Variants in CNTNAP5 observed in about 807,000 individuals in gnomAD.
The protein encoded by CNTNAP5 is contactin-associated protein-like 5.
CNTNAP5 carries 72 observed loss-of-function variants against 150.2 expected under a neutral mutation model. The observed-to-expected ratio is 0.48, with a 90% CI of 0.40 to 0.58. The LOEUF is 0.58. Among genes scored for constraint, CNTNAP5 ranks in the 20% least tolerant of loss-of-function variants. The pLI, the probability that CNTNAP5 is intolerant of heterozygous loss-of-function variation, is 0.00. For missense variants in CNTNAP5, 1,636 were observed against 1,626.2 expected, an observed-to-expected ratio of 1.01 and a Z score of -0.10; for synonymous variants, 672 against 619.8, an observed-to-expected ratio of 1.08 and a Z score of -1.25.
At chr2:124,603,380 G>C (rs550222828) in intron 11 of CNTNAP5, among the ~76,000 whole-genome samples, 1 of 152,116 alleles carries the variant, frequency 6.6e-6, no homozygotes, top group Non-Finnish European at 1.5e-5. Flanking sequence ...TGCCACATTA[G>C]AGGCACCCTG....
rs200129722 is a variant in CNTNAP5, at chr2:124,227,640, A to ATGTGTGTGTGTG, written c.187+5859_187+5870dup. Among the ~76,000 whole-genome samples, 864 of 143,408 alleles carry ATGTGTGTGTGTG rather than the reference A, an allele frequency of 6.0e-3. 3 individuals are homozygous for ATGTGTGTGTGTG. Among genetic ancestry groups the ATGTGTGTGTGTG allele is most frequent in the African/African-American group, 0.017 (626 of 37,512 alleles). 94.1% of individuals were successfully genotyped at this position (143,408 alleles called of 152,430 possible). Reference sequence around the variant, plus strand: ...AATATAAACTCAGCACATCGTGTGTATGTGTGTGTGTGTGTGTGTGTGTGT... The same window carrying ATGTGTGTGTGTG: ...AATATAAACTCAGCACATCGTGTGTATGTGTGTGTGTGTGTGTGTGTGTGTGTGTGTGTGTGT... On this transcript the variant is annotated intron_variant, in intron 2 of 23. Transcript: ENST00000682447.
At chr2:124,098,541 T>C (rs1466967590) in intron 1 of CNTNAP5, among the ~76,000 whole-genome samples, 2 of 152,148 alleles carry the variant, frequency 1.3e-5, no homozygotes, top group Non-Finnish European at 2.9e-5. Flanking sequence ...ATATTACGTG[T>C]AGTAAATCAT....
chr2:124,453,261 C>A (rs1259653980), intron 6 of CNTNAP5, among the ~76,000 whole-genome samples: 2 of 151,838 alleles, frequency 1.3e-5, no homozygotes, highest in African/African-American at 2.4e-5. Flanking sequence ...GCAATAGAAT[C>A]AAACCAGTAG....
intron 3 of CNTNAP5, among the ~76,000 whole-genome samples, chr2:124,316,499 G>A (rs566190454): frequency 6.6e-6 from 1 of 152,168 alleles, no homozygotes; most frequent in South Asian, 2.1e-4. Context: ...TGTGATATCT[G>A]CAGTGTGCTA....
intron 13 of CNTNAP5, among the ~76,000 whole-genome samples, chr2:124,707,771 T>G (rs897459781): frequency 6.6e-6 from 1 of 152,188 alleles, no homozygotes; most frequent in Non-Finnish European, 1.5e-5. Context: ...TTTTCTGGAT[T>G]CAAAAAGAAT....
At chr2:124,746,282 A>C (rs1680601385) in intron 13 of CNTNAP5, among the ~76,000 whole-genome samples, 1 of 152,182 alleles carries the variant, frequency 6.6e-6, no homozygotes, top group African/African-American at 2.4e-5. Flanking sequence ...TAAGAATGAT[A>C]ATTCTAAGCT....
chr2:124,377,472 G>A (rs955009036), intron 3 of CNTNAP5, among the ~76,000 whole-genome samples: 5 of 151,908 alleles, frequency 3.3e-5, no homozygotes, highest in East Asian at 1.9e-4. Context: ...TCAGGAGTTC[G>A]AGACCAGACC....
At chr2:124,533,985 T>G (rs908143130) in intron 10 of CNTNAP5, among the ~76,000 whole-genome samples, 2 of 152,086 alleles carry the variant, frequency 1.3e-5, no homozygotes, top group African/African-American at 4.8e-5. Flanking sequence ...CTCTCCCCAG[T>G]ATTGCTTAAA....
intron 13 of CNTNAP5, among the ~76,000 whole-genome samples, chr2:124,717,316 G>C (rs1679965226): frequency 6.6e-6 from 1 of 152,156 alleles, no homozygotes; most frequent in African/African-American, 2.4e-5. Context: ...TTTCAGAATG[G>C]AATTGTGGAA....
At chr2:124,163,945 G>A (rs1382689579) in intron 1 of CNTNAP5, among the ~76,000 whole-genome samples, 1 of 151,520 alleles carries the variant, frequency 6.6e-6, no homozygotes, top group Non-Finnish European at 1.5e-5. Flanking sequence ...CTATGACTCT[G>A]TTCTTCACTT....
At chr2:124,755,466 C>T (rs1278674719) in intron 14 of CNTNAP5, among the ~76,000 whole-genome samples, 1 of 152,152 alleles carries the variant, frequency 6.6e-6, no homozygotes, top group African/African-American at 2.4e-5. Flanking sequence ...GGAGACATTC[C>T]TTACAACTTC....
chr2:124,090,741 A>C (rs1042556784), intron 1 of CNTNAP5, among the ~76,000 whole-genome samples: 2 of 152,204 alleles, frequency 1.3e-5, no homozygotes, highest in African/African-American at 4.8e-5. Context: ...TGATACGAGA[A>C]ACTTTTTTGT....
intron 13 of CNTNAP5, among the ~76,000 whole-genome samples, chr2:124,701,042 A>G (rs1573556546): frequency 6.6e-6 from 1 of 152,146 alleles, no homozygotes; most frequent in East Asian, 1.9e-4. Context: ...GTTTAGCATG[A>G]ATCCCATACA....
At chr2:124,738,462 G>A (rs1208638656) in intron 13 of CNTNAP5, among the ~76,000 whole-genome samples, 3 of 152,178 alleles carry the variant, frequency 2.0e-5, no homozygotes, top group Admixed American at 1.3e-4. Flanking sequence ...GCCGGGCAAG[G>A]TGGCTCACAC....
intron 3 of CNTNAP5, among the ~76,000 whole-genome samples, chr2:124,339,001 C>T (rs573024653): frequency 6.6e-6 from 1 of 152,202 alleles, no homozygotes; most frequent in African/African-American, 2.4e-5. Context: ...CTATCTGAGA[C>T]TTGGGGTAGT....
chr2:124,605,095 T>C (rs770179206), intron 11 of CNTNAP5, among the ~76,000 whole-genome samples: 20 of 152,134 alleles, frequency 1.3e-4, no homozygotes, highest in Admixed American at 1.3e-4. Flanking sequence ...GGCTGTACCA[T>C]GTAAACTCCC....
intron 8 of CNTNAP5, among the ~76,000 whole-genome samples, chr2:124,511,166 CA>C (rs1276360746): frequency 6.6e-6 from 1 of 152,104 alleles, no homozygotes; most frequent in East Asian, 1.9e-4. Context: ...GAAAACAGGA[CA>C]TTTCATAAAG....
intron 1 of CNTNAP5, among the ~76,000 whole-genome samples, chr2:124,067,179 C>T (rs1435839781): frequency 1.3e-5 from 2 of 152,174 alleles, no homozygotes; most frequent in East Asian, 1.9e-4. Flanking sequence ...GAAGTATAGT[C>T]TATTGGTTTC....
chr2:124,731,704 A>C (rs1483704450), intron 13 of CNTNAP5, among the ~76,000 whole-genome samples: 4 of 151,850 alleles, frequency 2.6e-5, no homozygotes, highest in African/African-American at 9.7e-5. Context: ...ATAGGTGTTT[A>C]TGTGTAAGAA....
Sources: allele counts gnomAD v4.1 joint callset (sites outside exome capture counted in the v4.1 genomes callset), GRCh38; gene constraint gnomAD v4.1.1; transcripts MANE v1.5; gene names NCBI Gene and HGNC (gene_info 2026-07-23, HGNC 2026-07-21).